Variants in GRM7 observed in about 807,000 individuals in gnomAD.
The protein encoded by GRM7 is glutamate metabotropic receptor 7, also known as metabotropic glutamate receptor 7.
A neutral mutation model predicts 84.5 loss-of-function variants in GRM7; 35 were observed. That is an observed-to-expected ratio of 0.41 (90% confidence interval 0.32 to 0.55). GRM7 has a LOEUF of 0.55. GRM7 is among the 20% of genes least tolerant of loss of function. GRM7 has a pLI of 0.19. For synonymous variants in GRM7, 487 were observed against 455.1 expected (o/e 1.07, Z -0.89); for missense variants, 1,003 against 1,194.6 (o/e 0.84, Z 2.36).
chr3:7,150,745 G>A (rs937793681), intron 2 of GRM7, among the ~76,000 whole-genome samples: 3 of 152,150 alleles, frequency 2.0e-5, no homozygotes, highest in African/African-American at 7.2e-5. Context: ...TAAAATTCAG[G>A]TCAGCAAAAA....
At chr3:7,715,203 C>A (rs1701730850) in intron 9 of GRM7, among the ~76,000 whole-genome samples, 1 of 152,230 alleles carries the variant, frequency 6.6e-6, no homozygotes, top group East Asian at 1.9e-4. Context: ...CTCACACCTG[C>A]AATCCCAATA....
chr3:7,544,880 G>A (rs892637225), intron 7 of GRM7, among the ~76,000 whole-genome samples: 2 of 152,094 alleles, frequency 1.3e-5, no homozygotes, highest in African/African-American at 4.8e-5. Context: ...ATAAAGCATT[G>A]TAAGTTCTAA....
chr3:7,149,682 T>C (rs1694222539), intron 2 of GRM7, among the ~76,000 whole-genome samples: 1 of 152,190 alleles, frequency 6.6e-6, no homozygotes, highest in African/African-American at 2.4e-5. Flanking sequence ...TCCATCACTC[T>C]CTTATTTTAA....
chr3:7,422,937 G>A (rs1391976147), intron 5 of GRM7, among the ~76,000 whole-genome samples: 2 of 152,124 alleles, frequency 1.3e-5, no homozygotes, highest in Non-Finnish European at 1.5e-5. Flanking sequence ...AAGCAAAGTA[G>A]ATGGATGGCA....
At chr3:7,354,721 G>A (rs998605554) in intron 4 of GRM7, among the ~76,000 whole-genome samples, 1 of 152,110 alleles carries the variant, frequency 6.6e-6, no homozygotes, top group South Asian at 2.1e-4. Context: ...ACCACATGGC[G>A]ACTCCAATTG....
chr3:7,298,235 T>A (rs919527482), intron 2 of GRM7, among the ~76,000 whole-genome samples: 2 of 152,102 alleles, frequency 1.3e-5, no homozygotes, highest in African/African-American at 4.8e-5. Flanking sequence ...GAGATGGGTA[T>A]AAAGGGAAAA....
chr3:7,258,983 A>G (rs986378554), intron 2 of GRM7, among the ~76,000 whole-genome samples: 2 of 152,254 alleles, frequency 1.3e-5, no homozygotes, highest in Non-Finnish European at 2.9e-5. Context: ...ATGAAAATCA[A>G]GGTGTGCATT....
chr3:7,174,530 T>A (rs1372832585), intron 2 of GRM7, among the ~76,000 whole-genome samples: 1 of 152,214 alleles, frequency 6.6e-6, no homozygotes, highest in Non-Finnish European at 1.5e-5. Flanking sequence ...GACAAACACA[T>A]CCTGAAGTTT....
In GRM7 at chr3:7,352,057, C is replaced by CCACACACACACACACACA. The variant is rs56873432; in HGVS notation, c.1033+45431_1033+45448dup. 1.4e-4 allele frequency among the ~76,000 whole-genome samples: 19 copies of CCACACACACACACACACA among 136,960 alleles called. 1 individual carries two copies. The highest frequency in any genetic ancestry group is 1.1e-3 in the East Asian group (5 of 4,492). The allele number at this position is 136,960 out of a possible 152,430, so 89.9% of individuals were successfully genotyped here. ...TCTCTCTCTCACACACACACACACACCACACACACACACACACACACACAC... is the reference window on the plus strand; with the variant it reads ...TCTCTCTCTCACACACACACACACACCACACACACACACACACACACACACACACACACACACACACAC... On this transcript the variant is annotated intron_variant, in intron 4 of 9. Coordinates refer to ENST00000357716, the MANE Select transcript of GRM7 (RefSeq NM_000844.4).
chr3:6,881,483 T>C (rs1427964002), intron 1 of GRM7, among the ~76,000 whole-genome samples: 19 of 152,230 alleles, frequency 1.2e-4, no homozygotes, highest in Admixed American at 1.2e-3. Context: ...ATTCATTTTA[T>C]GGCTGCATAA....
chr3:7,515,933 AGTT>A (rs927002934), intron 7 of GRM7, among the ~76,000 whole-genome samples: 3 of 151,926 alleles, frequency 2.0e-5, no homozygotes, highest in Non-Finnish European at 2.9e-5. Flanking sequence ...CTTTGAATCC[AGTT>A]GTTCAAGACG....
chr3:7,468,795 C>G (rs1698569411), intron 7 of GRM7, among the ~76,000 whole-genome samples: 1 of 152,162 alleles, frequency 6.6e-6, no homozygotes, highest in African/African-American at 2.4e-5. Context: ...GGCATTTCCA[C>G]TGCTTTCACT....
In GRM7 at chr3:7,298,598, A is replaced by G. The variant is rs562781656; in HGVS notation, c.737-86A>G. On this transcript the variant is annotated intron_variant, in intron 2 of 9. Transcript: ENST00000357716. Reference sequence around the variant, plus strand: ...AGGAAGTATTGCATATCCGGGATTCAGAATCTCCTCCTCATCTACCTTCCT... The same window carrying G: ...AGGAAGTATTGCATATCCGGGATTCGGAATCTCCTCCTCATCTACCTTCCT... The G allele has an allele frequency of 3.3e-4, 375 of 1,128,286 alleles. 5 individuals carry two copies. The South Asian group carries it at 4.8e-3, about 15-fold the overall frequency. 69.9% of individuals were successfully genotyped at this position (1,128,286 alleles called of 1,614,324 possible).
rs117389146 is a variant in GRM7 at position 6,964,557 on chromosome 3, A to C, written c.519+102650A>C. Among the ~76,000 whole-genome samples, 705 of 152,318 alleles carry C rather than the reference A, an allele frequency of 4.6e-3. 40 individuals are homozygous for C. In the East Asian group the frequency reaches 0.1, roughly 23 times the overall value. ...CACTCTACTTCTTCCACATGCCTTC[A>C]TAATATAAACGTGGTTTAAGATTCA... On this transcript the variant is annotated intron_variant, in intron 1 of 9. Transcript: ENST00000357716.
chr3:7,330,317 C>T lies in GRM7; in HGVS notation c.1033+23665C>T, dbSNP rs572661101. Among the ~76,000 whole-genome samples, 3 of 152,270 alleles carry T rather than the reference C, an allele frequency of 2.0e-5. 1 individual carries two copies. In the South Asian group the frequency reaches 6.2e-4, roughly 32 times the overall value. ...TGTCACAAAACCCTCCAGTGACTTT[C>T]TGTCCCTGGAAGAAAACCCATTTCT... On this transcript the variant is annotated intron_variant, in intron 4 of 9. Transcript: ENST00000357716.
chr3:7,463,727 A>G (rs1698346687), intron 7 of GRM7, among the ~76,000 whole-genome samples: 1 of 152,194 alleles, frequency 6.6e-6, no homozygotes, highest in South Asian at 2.1e-4. Flanking sequence ...TGATGTGATG[A>G]TGATTTAATC....
chr3:7,638,826 A>T (rs561710284), intron 8 of GRM7, among the ~76,000 whole-genome samples: 1 of 152,340 alleles, frequency 6.6e-6, no homozygotes, highest in East Asian at 1.9e-4. Flanking sequence ...TTGTATCTAA[A>T]GGCTCAGTCA....
intron 2 of GRM7, among the ~76,000 whole-genome samples, chr3:7,240,364 T>C (rs1021363240): frequency 6.6e-6 from 1 of 151,366 alleles, no homozygotes; most frequent in Non-Finnish European, 1.5e-5. Context: ...TAATCAGAAA[T>C]CTCCTAATTT....
intron 7 of GRM7, among the ~76,000 whole-genome samples, chr3:7,572,862 ATATATATATATATATAT>A (rs1694764899): frequency 4.1e-5 from 2 of 48,898 alleles, no homozygotes; most frequent in Non-Finnish European, 8.9e-5. Context: ...ATATATATAT[ATATATATATATATATAT>A]AAATAATCTT....
Sources: gnomAD v4.1 joint callset for allele counts (sites outside exome capture counted in the v4.1 genomes callset) on GRCh38, gnomAD v4.1.1 for gene constraint, MANE v1.5 for transcripts, NCBI Gene and HGNC (gene_info 2026-07-23, HGNC 2026-07-21) for gene names.